INPP5F: variants seen among roughly 807,000 people sequenced by gnomAD.
INPP5F encodes the protein phosphatidylinositide 4-phosphatase SAC2.
In INPP5F, 97 loss-of-function variants were observed where a neutral mutation model predicts 137.2. The ratio of observed to expected loss-of-function variants is 0.71; its 90% CI spans 0.60 to 0.84. The LOEUF is 0.84. INPP5F is among the 40% of genes least tolerant of loss of function. INPP5F has a pLI of 0.00. For missense variants in INPP5F, 1,271 were observed against 1,371.9 expected, an observed-to-expected ratio of 0.93 and a Z score of 1.16; for synonymous variants, 504 against 476.9, an observed-to-expected ratio of 1.06 and a Z score of -0.74.
rs59804262 is a variant in INPP5F at position 119,785,535 on chromosome 10, C to CGAGAGAGAGAGAGAGAGAGAGAGA, written c.315+3785_315+3808dup. ...TGATCTCCTGACCTTGTGATCCGCTCGAGAGAGAGAGAGAGAGAGAGAGAG... is the reference window on the plus strand; with the variant it reads ...TGATCTCCTGACCTTGTGATCCGCTCGAGAGAGAGAGAGAGAGAGAGAGAGAGAGAGAGAGAGAGAGAGAGAGAG... On this transcript the variant is annotated intron_variant, in intron 3 of 19. Transcript: ENST00000650623. 6.5e-4 allele frequency among the ~76,000 whole-genome samples: 61 copies of CGAGAGAGAGAGAGAGAGAGAGAGA among 93,620 alleles called. 3 individuals carry two copies. The highest frequency in any genetic ancestry group is 1.4e-3 in the East Asian group (5 of 3,532). The allele number at this position is 93,620 out of a possible 152,430, so 61.4% of individuals were successfully genotyped here. A position where few individuals can be genotyped will look rare whatever the true frequency, so the allele number is the denominator to read the frequency against.
chr10:119,737,766 G>T (rs187994284), intron 1 of INPP5F, among the ~76,000 whole-genome samples: 16 of 152,278 alleles, frequency 1.1e-4, no homozygotes. Context: ...GGAACTTTTA[G>T]TTTCTCATTC....
intron 19 of INPP5F, chr10:119,825,959 G>A (rs1851742444): frequency 2.5e-6 from 1 of 398,400 alleles, no homozygotes. Flanking sequence ...TAGCTGTCAT[G>A]AGGGATACCA....
At position 119,823,843 on chromosome 10, in the gene INPP5F, G is replaced by A; in HGVS notation, c.2190G>A (p.Leu730=). 1 of 1,614,072 alleles carries A rather than the reference G, an allele frequency of 6.2e-7. No individual in the cohort carries two copies. Among genetic ancestry groups the A allele is most frequent in the Non-Finnish European group, 8.5e-7 (1 of 1,179,956 alleles). ...KDTLQCIAEM[L]QITKQAMGSD... ...CCCTTCAGTGCATTGCAGAGATGCT[G>A]CAGATCACCAAGCAAGCCATGGGAT... The change falls in exon 19 of 20, where the codon CTG becomes CTA. Residue 730 remains leucine (L), a synonymous_variant. Transcript: ENST00000650623.
At position 119,822,504 on chromosome 10, in the gene INPP5F, G is replaced by A; in HGVS notation, c.2032G>A (p.Gly678Ser). 6.9e-7 allele frequency: 1 copy of A among 1,451,856 alleles called. No homozygotes were observed. Among genetic ancestry groups the A allele is most frequent in the Non-Finnish European group, 9.5e-7 (1 of 1,051,182 alleles). The allele number at this position is 1,451,856 out of a possible 1,614,324, so 89.9% of individuals were successfully genotyped here. Residue 678 changes from glycine to serine, a missense_variant and splice_region_variant, in exon 17 of 20, where the codon GGC (glycine) becomes AGC (serine). Physicochemically the swap from Gly to Ser is moderately conservative, Grantham distance 56. Transcript: ENST00000650623. ...AGAAAACCTGGAAAAAATTGAAATA[G>A]GTAAGTTTTAACATACTAATCAAGT... ...SLENLEKIEI[G>S]PEPTLFGKPK...
Position 119,806,493 on chromosome 10 carries a change from CTG to C in INPP5F, c.1440+15_1440+16del. On this transcript the variant is annotated intron_variant, in intron 12 of 19. Transcript: ENST00000650623. Reference sequence around the variant, plus strand: ...CATGGAACAGCAGGTAATTTGGAGTCTGTTGGATTGCAAATATTCATTTCGAA... The same window carrying C: ...CATGGAACAGCAGGTAATTTGGAGTCTTGGATTGCAAATATTCATTTCGAA... 1 of 1,572,216 alleles carries C rather than the reference CTG, an allele frequency of 6.4e-7. No homozygotes were observed. Among genetic ancestry groups the C allele is most frequent in the Non-Finnish European group, 8.6e-7 (1 of 1,164,604 alleles).
At chr10:119,752,585 C>CA (rs1295801342) in intron 2 of INPP5F, among the ~76,000 whole-genome samples, 8,331 of 61,152 alleles carry the variant, frequency 0.14, 607 homozygotes, top group African/African-American at 0.29. Flanking sequence ...AACTCCATCT[C>CA]AAAAAAAAAA....
intron 3 of INPP5F, among the ~76,000 whole-genome samples, chr10:119,786,282 C>G (rs1033318953): frequency 2.0e-5 from 3 of 152,176 alleles, no homozygotes; most frequent in African/African-American, 7.2e-5. Flanking sequence ...TGATAAGGAC[C>G]TAACCACATA....
chr10:119,784,316 G>A (rs1273507405), intron 3 of INPP5F, among the ~76,000 whole-genome samples: 1 of 152,116 alleles, frequency 6.6e-6, no homozygotes, highest in Non-Finnish European at 1.5e-5. Flanking sequence ...TTGTGCCTAG[G>A]CTCTTTGGAG....
chr10:119,774,141 AG>A (rs1770292185), intron 2 of INPP5F, among the ~76,000 whole-genome samples: 2 of 151,250 alleles, frequency 1.3e-5, no homozygotes, highest in African/African-American at 4.9e-5. Context: ...GTGCGCCTGT[AG>A]TCTCAGCTAC....
intron 1 of INPP5F, among the ~76,000 whole-genome samples, chr10:119,736,422 T>G (rs1183174546): frequency 6.6e-6 from 1 of 152,106 alleles, no homozygotes; most frequent in Non-Finnish European, 1.5e-5. Flanking sequence ...TGCCTCAACC[T>G]CCCAAAGTTC....
Position 119,827,749 on chromosome 10 carries a change from T to C in INPP5F, c.3368T>C (p.Ile1123Thr). The change falls in exon 20 of 20, where the codon ATA (isoleucine) becomes ACA (threonine). Residue 1123 changes from isoleucine to threonine, a missense_variant. Ile to Thr is a moderately conservative substitution (Grantham distance 89). Transcript: ENST00000650623. Reference sequence around the variant, plus strand: ...CAAAATGAACTTAAAAAGATGTTTATACAATGCCAGACACGGATAATTCAG... The same window carrying C: ...CAAAATGAACTTAAAAAGATGTTTACACAATGCCAGACACGGATAATTCAG... ...VQQNELKKMF[I>T]QCQTRIIQI 1 of 1,612,446 alleles carries C rather than the reference T, an allele frequency of 6.2e-7. No homozygotes were observed. The highest frequency in any genetic ancestry group is 8.5e-7 in the Non-Finnish European group (1 of 1,179,000).
intron 1 of INPP5F, among the ~76,000 whole-genome samples, chr10:119,745,509 A>G (rs570471907): frequency 9.2e-5 from 14 of 151,962 alleles, no homozygotes; most frequent in East Asian, 3.9e-4. Flanking sequence ...ACATACATCT[A>G]TGAGTTCACT....
rs1294445083 is a variant in INPP5F, at chr10:119,781,787, G to A, written c.315+16G>A. On this transcript the variant is annotated intron_variant, in intron 3 of 19. Coordinates refer to ENST00000650623, the MANE Select transcript of INPP5F (RefSeq NM_014937.4). The stretch of plus-strand genomic sequence containing the variant: ...TGAGCTAGAGGTAGGTGAAATAAAG[G>A]GAAATTATATGGAAACCTGATATAA... The A allele has an allele frequency of 3.2e-6, 5 of 1,575,058 alleles. No individual in the cohort carries two copies. In the Admixed American group the frequency reaches 5.2e-5, roughly 16 times the overall value.
At chr10:119,796,290 A>C (rs887939710) in intron 6 of INPP5F, among the ~76,000 whole-genome samples, 2 of 152,202 alleles carry the variant, frequency 1.3e-5, no homozygotes, top group Non-Finnish European at 2.9e-5. Context: ...TTAAAGCCTT[A>C]ATACAATTGG....
chr10:119,772,747 T>C (rs1849404321), intron 2 of INPP5F, among the ~76,000 whole-genome samples: 1 of 152,162 alleles, frequency 6.6e-6, no homozygotes, highest in Admixed American at 6.5e-5. Flanking sequence ...CAACATTGTT[T>C]TAATTTTTTT....
chr10:119,785,284 C>CTTTTTTTTT (rs1440327192), intron 3 of INPP5F, among the ~76,000 whole-genome samples: 2 of 81,596 alleles, frequency 2.5e-5, no homozygotes, highest in East Asian at 3.1e-4. Context: ...AACTGCCAGA[C>CTTTTTTTTT]TGTTTTTTTT....
chr10:119,798,476 A>T, intron 8 of INPP5F, 67 bp from the exon 9 acceptor site: 1 of 1,006,100 alleles, frequency 9.9e-7, no homozygotes, highest in Non-Finnish European at 1.5e-6. Context: ...AAGAATAAAG[A>T]TGGAGTAGAC....
At chr10:119,825,908 G>C (rs1851739171) in intron 19 of INPP5F, 2 of 398,414 alleles carry the variant, frequency 5.0e-6, no homozygotes, top group African/African-American at 4.1e-5. Flanking sequence ...CACACACTGA[G>C]ACATTTGTGG....
intron 2 of INPP5F, among the ~76,000 whole-genome samples, chr10:119,754,577 C>T (rs1411485292): frequency 6.6e-6 from 1 of 152,088 alleles, no homozygotes; most frequent in Non-Finnish European, 1.5e-5. Context: ...ATTTTTCATT[C>T]TCCTAATCCT....
Sources: gnomAD v4.1 joint callset for allele counts (sites outside exome capture counted in the v4.1 genomes callset) on GRCh38, gnomAD v4.1.1 for gene constraint, MANE v1.5 for transcripts, NCBI Gene and HGNC (gene_info 2026-07-23, HGNC 2026-07-21) for gene names.